The following STIM2 variants were observed in gnomAD, a reference collection of about 807,000 sequenced individuals.
STIM2 encodes stromal interaction molecule 2.
A neutral mutation model predicts 85.8 loss-of-function variants in STIM2; 31 were observed. That is an observed-to-expected ratio of 0.36 (90% CI 0.27 to 0.49). STIM2 has a LOEUF of 0.49. STIM2 is among the 20% of genes least tolerant of loss of function. STIM2 has a pLI of 0.98. For missense variants in STIM2, 841 were observed against 927.6 expected, an observed-to-expected ratio of 0.91 and a Z score of 1.21; for synonymous variants, 356 against 331.1, an observed-to-expected ratio of 1.08 and a Z score of -0.82.
intron 10 of STIM2, among the ~76,000 whole-genome samples, chr4:27,016,732 C>T (rs1250364681): frequency 1.3e-5 from 2 of 152,188 alleles, no homozygotes; most frequent in Non-Finnish European, 2.9e-5. Context: ...ACTCATTATT[C>T]CAATACCTAA....
chr4:26,959,079 C>T (rs969949189), intron 3 of STIM2, among the ~76,000 whole-genome samples: 2 of 152,160 alleles, frequency 1.3e-5, no homozygotes, highest in African/African-American at 4.8e-5. Flanking sequence ...CTGCTGTAGT[C>T]TCTTCTTCAC....
At chr4:26,881,190 G>T (rs2109036372) in intron 1 of STIM2, among the ~76,000 whole-genome samples, 1 of 152,248 alleles carries the variant, frequency 6.6e-6, no homozygotes, top group East Asian at 1.9e-4. Flanking sequence ...CGGGGGCTGG[G>T]CGCGGTAGCT....
At chr4:26,897,054 A>G (rs1454470155) in intron 1 of STIM2, among the ~76,000 whole-genome samples, 1 of 152,190 alleles carries the variant, frequency 6.6e-6, no homozygotes, top group African/African-American at 2.4e-5. Context: ...TGATGAGTAA[A>G]TATTTCATTG....
chr4:26,886,736 C>T (rs182945859), intron 1 of STIM2, among the ~76,000 whole-genome samples: 8 of 152,226 alleles, frequency 5.3e-5, no homozygotes, highest in African/African-American at 1.7e-4. Flanking sequence ...GATGTGAGGA[C>T]ATTGTCATTG....
intron 2 of STIM2, among the ~76,000 whole-genome samples, chr4:26,923,617 A>G (rs1479201535): frequency 7.9e-6 from 1 of 126,934 alleles, no homozygotes; most frequent in South Asian, 3.2e-4. Context: ...AACTGCATCA[A>G]CTAATGAGCA....
At chr4:27,009,032 G>A (rs767944217) in intron 10 of STIM2, 30 bp downstream of exon 10, 5 of 1,589,392 alleles carry the variant, frequency 3.1e-6, no homozygotes, top group South Asian at 2.2e-5. Context: ...AAAATTGTTG[G>A]TACAGGTTTT....
intron 3 of STIM2, among the ~76,000 whole-genome samples, chr4:26,986,458 G>A (rs1356101749): frequency 1.3e-5 from 2 of 152,094 alleles, no homozygotes; most frequent in African/African-American, 2.4e-5. Flanking sequence ...GTATTTTTAG[G>A]CTTGTAACTT....
intron 2 of STIM2, among the ~76,000 whole-genome samples, chr4:26,936,372 GAGCATTTGT>G (rs1179317305): frequency 6.6e-6 from 1 of 152,142 alleles, no homozygotes; most frequent in Non-Finnish European, 1.5e-5. Flanking sequence ...GATCCTCCCA[GAGCATTTGT>G]GGTCATGTAT....
intron 1 of STIM2, among the ~76,000 whole-genome samples, chr4:26,863,094 T>A (rs1030263065): frequency 1.5e-5 from 2 of 136,812 alleles, no homozygotes; most frequent in Non-Finnish European, 3.3e-5. Flanking sequence ...GTAGATCACA[T>A]CAAGAAAATT....
intron 2 of STIM2, among the ~76,000 whole-genome samples, chr4:26,937,739 C>T (rs1000379153): frequency 2.0e-5 from 3 of 152,128 alleles, no homozygotes; most frequent in African/African-American, 4.8e-5. Context: ...TAATCACCTT[C>T]GCCATATGGC....
intron 3 of STIM2, among the ~76,000 whole-genome samples, chr4:26,970,043 A>G (rs1726873811): frequency 6.6e-6 from 1 of 151,280 alleles, no homozygotes; most frequent in African/African-American, 2.4e-5. Context: ...TTTAAAATAG[A>G]TTATATTTTC....
intron 1 of STIM2, among the ~76,000 whole-genome samples, chr4:26,869,445 T>G (rs1722531312): frequency 6.6e-6 from 1 of 152,108 alleles, no homozygotes; most frequent in African/African-American, 2.4e-5. Context: ...GTTTTAAACA[T>G]TATTTAGTGA....
In STIM2 at chr4:27,009,226, CACTT is replaced by C. The variant is rs140952268; in HGVS notation, c.1489+225_1489+228del. Among the ~76,000 whole-genome samples the C allele has an allele frequency of 5.2e-3, 785 of 152,174 alleles. 8 individuals are homozygous for C. Among genetic ancestry groups the C allele is most frequent in the African/African-American group, 0.018 (762 of 41,518 alleles). On this transcript the variant is annotated intron_variant, in intron 10 of 11. Coordinates refer to ENST00000467087, the MANE Select transcript of STIM2 (RefSeq NM_020860.4). ...TATTTATATTATATATTTATACACA[CACTT>C]TAAAGAAATCTGAATGCTTTATAAA...
At chr4:26,884,540 C>T (rs1723138809) in intron 1 of STIM2, among the ~76,000 whole-genome samples, 1 of 152,148 alleles carries the variant, frequency 6.6e-6, no homozygotes, top group South Asian at 2.1e-4. Context: ...ACTGCAACTG[C>T]TTTAGGAAAT....
intron 7 of STIM2, 86 bp from the exon 8 acceptor site, chr4:27,007,447 T>C: frequency 1.0e-6 from 1 of 954,984 alleles, no homozygotes; most frequent in Non-Finnish European, 1.4e-6. Flanking sequence ...TAGCTTTTTT[T>C]TTTTTTTAGT....
chr4:27,012,722 G>C (rs865874586), intron 10 of STIM2, among the ~76,000 whole-genome samples: 2 of 152,062 alleles, frequency 1.3e-5, no homozygotes, highest in African/African-American at 4.8e-5. Flanking sequence ...GCAGGCAATA[G>C]GGATTGCCAT....
chr4:26,960,074 A>G (rs1296531729), intron 3 of STIM2, among the ~76,000 whole-genome samples: 1 of 152,062 alleles, frequency 6.6e-6, no homozygotes, highest in African/African-American at 2.4e-5. Flanking sequence ...AGGGTGGGGT[A>G]TTGTTGCCAG....
At position 26,927,849 on chromosome 4, in the gene STIM2, A is replaced by T. The variant is rs192186003; in HGVS notation, c.282+8215A>T. 8.6e-3 allele frequency among the ~76,000 whole-genome samples: 1,170 copies of T among 136,136 alleles called. 17 individuals are homozygous for T. Among genetic ancestry groups the T allele is most frequent in the African/African-American group, 0.034 (1,088 of 32,294 alleles). 89.3% of individuals were successfully genotyped at this position (136,136 alleles called of 152,430 possible). ...TATGTAATTATATAAATTATATATT[A>T]ATATATAATTATTATATAAATTATA... On this transcript the variant is annotated intron_variant, in intron 2 of 11. Transcript: ENST00000467087.
chr4:27,015,494 G>A (rs1449943620), intron 10 of STIM2, among the ~76,000 whole-genome samples: 1 of 151,652 alleles, frequency 6.6e-6, no homozygotes, highest in East Asian at 1.9e-4. Context: ...ACTTCAGTGA[G>A]CAACTGGGAA....
Sources: gnomAD v4.1 joint callset for allele counts (sites outside exome capture counted in the v4.1 genomes callset) on GRCh38, gnomAD v4.1.1 for gene constraint, MANE v1.5 for transcripts, NCBI Gene and HGNC (gene_info 2026-07-23, HGNC 2026-07-21) for gene names.